The following C1orf94 variants were observed in gnomAD, a reference collection of about 807,000 sequenced individuals.
C1orf94 encodes the protein chromosome 1 open reading frame 94.
C1orf94 carries 45 observed loss-of-function variants against 53.6 expected under a neutral mutation model. The ratio of observed to expected loss-of-function variants is 0.84; its 90% CI spans 0.66 to 1.08. The LOEUF (loss-of-function observed/expected upper bound fraction) is 1.08. Ranked by LOEUF, C1orf94 falls within the 50% of genes least tolerant of loss-of-function variation. The pLI is 0.00. For missense variants in C1orf94, 762 were observed against 738.9 expected, an observed-to-expected ratio of 1.03 and a Z score of -0.36; for synonymous variants, 304 against 296.1, an observed-to-expected ratio of 1.03 and a Z score of -0.27.
intron 6 of C1orf94, among the ~76,000 whole-genome samples, chr1:34,217,351 G>A (rs1309099026): frequency 6.6e-6 from 1 of 152,214 alleles, no homozygotes; most frequent in Non-Finnish European, 1.5e-5. Flanking sequence ...GATATGAGCT[G>A]TGTCATGATC....
At chr1:34,198,023 C>T in intron 2 of C1orf94, 110 bp downstream of exon 2, 1 of 1,165,374 alleles carries the variant, frequency 8.6e-7, no homozygotes, top group Non-Finnish European at 1.2e-6. Flanking sequence ...CAAAGCAAGA[C>T]AAAGCAGCCT....
intron 2 of C1orf94, among the ~76,000 whole-genome samples, chr1:34,198,190 G>C (rs1642636293): frequency 6.6e-6 from 1 of 152,230 alleles, no homozygotes; most frequent in African/African-American, 2.4e-5. Flanking sequence ...GTAGTAATTG[G>C]CTTAACTTTG....
At chr1:34,188,917 C>T (rs904928421) in intron 1 of C1orf94, among the ~76,000 whole-genome samples, 16 of 152,176 alleles carry the variant, frequency 1.1e-4, no homozygotes, top group African/African-American at 3.4e-4. Flanking sequence ...TATCCCTAAG[C>T]TGAAGGAAGT....
chr1:34,190,261 C>A (rs1452024931), intron 1 of C1orf94, among the ~76,000 whole-genome samples: 1 of 152,172 alleles, frequency 6.6e-6, no homozygotes, highest in Non-Finnish European at 1.5e-5. Flanking sequence ...GGAGAAATAA[C>A]CCTCACCCAT....
At chr1:34,176,679 AG>A (rs1557475237), upstream of C1orf94, among the ~76,000 whole-genome samples, 3 of 152,202 alleles carry the variant, frequency 2.0e-5, no homozygotes, top group African/African-American at 7.2e-5. Context: ...ATTGAATGTG[AG>A]CCCAGCGCTT....
chr1:34,200,067 G>A (rs1219260341), intron 2 of C1orf94, among the ~76,000 whole-genome samples: 7 of 152,184 alleles, frequency 4.6e-5, no homozygotes, highest in Non-Finnish European at 8.8e-5. Context: ...AGCTCCTGCA[G>A]GGCACAGTCT....
intron 4 of C1orf94, among the ~76,000 whole-genome samples, chr1:34,205,008 C>A (rs527381554): frequency 6.6e-6 from 1 of 152,338 alleles, no homozygotes; most frequent in South Asian, 2.1e-4. Flanking sequence ...CTCTAAAATG[C>A]CCTCACAGAG....
chr1:34,199,893 T>C (rs531785582), intron 2 of C1orf94, among the ~76,000 whole-genome samples: 108 of 152,304 alleles, frequency 7.1e-4, no homozygotes, highest in Non-Finnish European at 1.4e-3. Context: ...TACCCCTGGA[T>C]GTAAGGCCTC....
intron 4 of C1orf94, among the ~76,000 whole-genome samples, chr1:34,205,291 G>GA (rs1642774502): frequency 1.3e-5 from 2 of 152,180 alleles, no homozygotes; most frequent in African/African-American, 2.4e-5. Context: ...GTTGGCTGTG[G>GA]AAGGCATTGG....
At chr1:34,196,161 T>C (rs1331542890) in intron 1 of C1orf94, among the ~76,000 whole-genome samples, 3 of 152,170 alleles carry the variant, frequency 2.0e-5, no homozygotes, top group Non-Finnish European at 4.4e-5. Context: ...GGGTGCCTGC[T>C]TGCCAAGAGT....
At chr1:34,186,266 A>G (rs1642383521) in intron 1 of C1orf94, among the ~76,000 whole-genome samples, 2 of 152,214 alleles carry the variant, frequency 1.3e-5, no homozygotes, top group Non-Finnish European at 2.9e-5. Flanking sequence ...CATCTGAAAA[A>G]ATGGGAAAAG....
At chr1:34,191,071 T>G (rs537677563) in intron 1 of C1orf94, among the ~76,000 whole-genome samples, 1 of 152,170 alleles carries the variant, frequency 6.6e-6, no homozygotes, top group Non-Finnish European at 1.5e-5. Context: ...CTTGTTCACA[T>G]GGAGGTTGCA....
intron 4 of C1orf94, among the ~76,000 whole-genome samples, chr1:34,204,861 C>T (rs1642767404): frequency 7.1e-6 from 1 of 140,812 alleles, no homozygotes; most frequent in Admixed American, 6.7e-5. Context: ...GAAACCCTGT[C>T]TCTAAAAAAA....
chr1:34,201,165 A>G, intron 3 of C1orf94, 133 bp downstream of exon 3: 1 of 1,276,054 alleles, frequency 7.8e-7, no homozygotes, highest in Non-Finnish European at 1.1e-6. Flanking sequence ...TTAAACCCAT[A>G]AAATGGGGGC....
chr1:34,174,609 C>T (rs1642195207), upstream of C1orf94, among the ~76,000 whole-genome samples: 1 of 152,094 alleles, frequency 6.6e-6, no homozygotes, highest in Admixed American at 6.5e-5. Context: ...GACACATATA[C>T]AGGGAAGACC....
At chr1:34,189,534 G>A (rs1642446707) in intron 1 of C1orf94, among the ~76,000 whole-genome samples, 1 of 152,200 alleles carries the variant, frequency 6.6e-6, no homozygotes. Context: ...ATGCACCAGA[G>A]AAATAGGTAT....
In C1orf94 at chr1:34,197,347, G is replaced by C; in HGVS notation, c.443G>C (p.Gly148Ala). Residue 148 changes from glycine (G) to alanine (A), a missense_variant, in exon 2 of 7, where the codon GGC (glycine) becomes GCC (alanine). Gly to Ala is a moderately conservative substitution (Grantham distance 60). Transcript: ENST00000488417. This position sits in a 1 kb window ranked among gnomAD's most constrained non-coding sequence, Gnocchi z 4.1. ...EESSGELEVP[G>A]SSPEGTRELA... ...AGTTCTGGGGAGCTGGAGGTACCCG[G>C]CAGCTCTCCCGAGGGGACCAGAGAG... The C allele has an allele frequency of 6.3e-7, 1 of 1,598,962 alleles. No individual in the cohort carries two copies. The highest frequency in any genetic ancestry group is 8.5e-7 in the Non-Finnish European group (1 of 1,172,390).
In C1orf94 at chr1:34,191,599, C is replaced by T. The variant is rs563429254; in HGVS notation, c.321-5626C>T. The stretch of plus-strand genomic sequence containing the variant: ...TCAAGCCCAGGTCTGTGCCTGACCC[C>T]AGAGCCCTCCACTTCACTCTAATCC... On this transcript the variant is annotated intron_variant, in intron 1 of 6. Coordinates refer to ENST00000488417, the MANE Select transcript of C1orf94 (RefSeq NM_001134734.2). Among the ~76,000 whole-genome samples the T allele has an allele frequency of 5.3e-5, 8 of 152,288 alleles. No individual in the cohort carries two copies. In the South Asian group the frequency reaches 1.7e-3, roughly 32 times the overall value.
intron 1 of C1orf94, among the ~76,000 whole-genome samples, chr1:34,180,697 G>A (rs561652830): frequency 2.0e-5 from 3 of 152,196 alleles, no homozygotes; most frequent in Admixed American, 2.0e-4. Context: ...GAAAAGCCAG[G>A]GAGCTGTTCT....
Sources: gnomAD v4.1 joint callset for allele counts (sites outside exome capture counted in the v4.1 genomes callset) on GRCh38, gnomAD v4.1.1 for gene constraint, Gnocchi (gnomAD v3.1) non-coding constraint, MANE v1.5 for transcripts, NCBI Gene and HGNC (gene_info 2026-07-23, HGNC 2026-07-21) for gene names.